ANKRD18B: variants seen among roughly 807,000 people sequenced by gnomAD.
ANKRD18B encodes the protein ankyrin repeat domain 18B.
In ANKRD18B, 75 loss-of-function variants were observed where a neutral mutation model predicts 111.8. The ratio of observed to expected loss-of-function variants is 0.67; its 90% confidence interval spans 0.56 to 0.81. The LOEUF (loss-of-function observed/expected upper bound fraction) is 0.81. Ranked by LOEUF, ANKRD18B falls within the 40% of genes least tolerant of loss-of-function variation. ANKRD18B has a pLI of 0.00. For synonymous variants in ANKRD18B, 356 were observed against 417.3 expected, an observed-to-expected ratio of 0.85 and a Z score of 1.79; for missense variants, 1,038 against 1,225.5, an observed-to-expected ratio of 0.85 and a Z score of 2.28.
intron 3 of ANKRD18B, among the ~76,000 whole-genome samples, chr9:33,531,664 T>C (rs1464425645): frequency 1.3e-5 from 2 of 150,288 alleles, no homozygotes; most frequent in Non-Finnish European, 2.9e-5. Context: ...AGTTTACAAC[T>C]CCTTTTTTAT....
rs1280627016 is a variant in ANKRD18B at position 33,548,201 on chromosome 9, G to A, written c.1413G>A (p.Arg471=). The change falls in exon 11 of 19, where the codon AGG becomes AGA. Residue 471 remains arginine, a synonymous_variant. Coordinates refer to ENST00000684830, the MANE Select transcript of ANKRD18B (RefSeq NM_001393611.1). The stretch of plus-strand genomic sequence containing the variant: ...ATGATCTGAAAGCTGAGAATGCAAG[G>A]CTGAATTCAAAATTGGAGAAGGAAA... ...QLNDLKAENA[R]LNSKLEKEKH... is the part of the protein sequence containing the mutation. 9.7e-6 allele frequency: 15 copies of A among 1,549,994 alleles called. No individual in the cohort carries two copies. The highest frequency in any genetic ancestry group is 1.2e-5 in the Non-Finnish European group (14 of 1,146,424).
rs201735109 is a variant in ANKRD18B, at chr9:33,555,773, G to A, written c.2283G>A (p.Ala761=). The A allele has an allele frequency of 1.8e-4, 255 of 1,405,122 alleles. No homozygotes were observed. Among genetic ancestry groups the A allele is most frequent in the African/African-American group, 9.0e-4 (59 of 65,870 alleles). 87.0% of individuals were successfully genotyped at this position (1,405,122 alleles called of 1,614,324 possible). The stretch of plus-strand genomic sequence containing the variant: ...TAATATCATTACTGAACTATACTGC[G>A]GATCAAATAAGAAAGAAAAATCGTG... ...FELISLLNYT[A]DQIRKKNREL... The change falls in exon 13 of 19, where the codon GCG becomes GCA. Residue 761 remains alanine (A), a synonymous_variant. Coordinates refer to ENST00000684830, the MANE Select transcript of ANKRD18B (RefSeq NM_001393611.1).
intron 13 of ANKRD18B, 27 bp downstream of exon 13, chr9:33,555,847 T>G (rs1186628236): frequency 1.6e-6 from 2 of 1,281,834 alleles, no homozygotes; most frequent in Non-Finnish European, 2.0e-6. Context: ...GTAGAACATT[T>G]TAGCCATTTA....
At chr9:33,541,570 C>T (rs981923437) in intron 9 of ANKRD18B, among the ~76,000 whole-genome samples, 2 of 152,088 alleles carry the variant, frequency 1.3e-5, no homozygotes, top group African/African-American at 2.4e-5. Flanking sequence ...TGGTGTTCTG[C>T]ACCTGTAATT....
intron 11 of ANKRD18B, among the ~76,000 whole-genome samples, chr9:33,549,549 C>T (rs1828416983): frequency 6.6e-6 from 1 of 152,156 alleles, no homozygotes; most frequent in South Asian, 2.1e-4. Context: ...GCCGCTTTGA[C>T]ACTTAGATTT....
chr9:33,565,421 T>C (rs924837752), intron 14 of ANKRD18B, among the ~76,000 whole-genome samples: 1 of 152,184 alleles, frequency 6.6e-6, no homozygotes, highest in Admixed American at 6.5e-5. Context: ...ACATTTGCGG[T>C]TTAGGGAAAG....
chr9:33,539,660 TTTG>T lies in ANKRD18B; in HGVS notation c.862+167_862+169del, dbSNP rs563829667. 4 of 152,556 alleles carry T rather than the reference TTTG, an allele frequency of 2.6e-5. No homozygotes were observed. In the South Asian group the frequency reaches 8.3e-4, roughly 32 times the overall value. The allele number at this position is 152,556 out of a possible 1,614,324, so 9.5% of individuals were successfully genotyped here. On this transcript the variant is annotated intron_variant, in intron 7 of 18. Transcript: ENST00000684830. ...CAGTGAAGGCAAGCTTAGGAAAGAC[TTTG>T]TTGTTGTTTTACCTGTGTCTAGAAA...
intron 12 of ANKRD18B, among the ~76,000 whole-genome samples, chr9:33,551,720 A>T (rs1013810860): frequency 1.3e-5 from 2 of 152,062 alleles, no homozygotes; most frequent in African/African-American, 4.8e-5. Flanking sequence ...ACATTCATTT[A>T]CAGGTTATTG....
chr9:33,568,685 T>C lies in ANKRD18B; in HGVS notation c.2969T>C (p.Ile990Thr). 3 of 1,541,498 alleles carry C rather than the reference T, an allele frequency of 1.9e-6. No homozygotes were observed. The highest frequency in any genetic ancestry group is 2.6e-6 in the Non-Finnish European group (3 of 1,143,740). The change falls in exon 17 of 19, where the codon ATA (isoleucine) becomes ACA (threonine). Residue 990 changes from isoleucine (I) to threonine (T), a missense_variant. Around this residue, in one of 4 missense-constraint regions of ANKRD18B, gnomAD observed 524 missense variants for 677.9 expected, o/e 0.77. Transcript: ENST00000684830. ...SEKITKSDKK[I>T]AVISTKLFME... ...TCTCTTTACAGATCGGATAAGAAAA[T>C]AGCTGTGATCAGCACCAAGCTCTTT...
chr9:33,564,767 G>C (rs1357576285), intron 14 of ANKRD18B, among the ~76,000 whole-genome samples: 1 of 151,794 alleles, frequency 6.6e-6, no homozygotes, highest in Non-Finnish European at 1.5e-5. Context: ...CACATTGTAG[G>C]TTTGATTTGT....
intron 1 of ANKRD18B, chr9:33,528,489 T>C: frequency 2.3e-6 from 1 of 429,628 alleles, no homozygotes. Flanking sequence ...GAGTTCAAAG[T>C]AGAACTCAAG....
chr9:33,559,347 G>A (rs576879788), intron 14 of ANKRD18B, among the ~76,000 whole-genome samples: 52 of 152,206 alleles, frequency 3.4e-4, no homozygotes, highest in African/African-American at 1.2e-3. Flanking sequence ...TCTTGGCCCT[G>A]CAACAGCCAT....
intron 3 of ANKRD18B, among the ~76,000 whole-genome samples, chr9:33,530,868 T>A (rs1452420437): frequency 3.9e-5 from 6 of 152,364 alleles, no homozygotes; most frequent in Admixed American, 6.5e-5. Context: ...TTTCAATAAG[T>A]AGAGGCTGAC....
Position 33,550,505 on chromosome 9 carries a change from G to T in ANKRD18B, c.2143G>T (p.Gly715Cys), listed in dbSNP as rs956033506. ...KFSMSESPLEGTSHCHINLDE... is the reference protein window; with the variant it reads ...KFSMSESPLECTSHCHINLDE... The stretch of plus-strand genomic sequence containing the variant: ...TTCAATGTCAGAGTCTCCACTGGAA[G>T]GTACATCACATTGTCATATTAATTT... Residue 715 changes from glycine (G) to cysteine (C), a missense_variant, in exon 12 of 19, where the codon GGT (glycine) becomes TGT (cysteine). By Grantham distance (159) the Gly-to-Cys change is radical (BLOSUM62 -3). Around this residue, in one of 4 missense-constraint regions of ANKRD18B, gnomAD observed 524 missense variants for 677.9 expected, o/e 0.77. Transcript: ENST00000684830. The T allele has an allele frequency of 1.2e-5, 19 of 1,547,278 alleles. No homozygotes were observed. Among genetic ancestry groups the T allele is most frequent in the Non-Finnish European group, 1.6e-5 (18 of 1,145,248 alleles).
intron 1 of ANKRD18B, among the ~76,000 whole-genome samples, chr9:33,527,115 A>G (rs1828035571): frequency 1.3e-5 from 2 of 152,216 alleles, no homozygotes; most frequent in Non-Finnish European, 2.9e-5. Context: ...CCTTTCAAGC[A>G]AAAGCATTTC....
At chr9:33,525,044 A>G (rs377115266) in intron 1 of ANKRD18B, among the ~76,000 whole-genome samples, 1 of 152,220 alleles carries the variant, frequency 6.6e-6, no homozygotes, top group Non-Finnish European at 1.5e-5. Context: ...AAATCCACCT[A>G]GGTAGATAGG....
At chr9:33,573,750 G>C (rs1201488162), downstream of ANKRD18B, among the ~76,000 whole-genome samples, 3 of 145,012 alleles carry the variant, frequency 2.1e-5, no homozygotes, top group African/African-American at 7.3e-5. Flanking sequence ...GAACACAGCT[G>C]CTCAAGGGCC....
In ANKRD18B at chr9:33,528,742, G is replaced by C. The variant is rs1363060806; in HGVS notation, c.222G>C (p.Leu74Phe). 1.2e-5 allele frequency: 20 copies of C among 1,612,038 alleles called. No individual in the cohort carries two copies. The highest frequency in any genetic ancestry group is 1.6e-5 in the Non-Finnish European group (19 of 1,179,170). Residue 74 changes from leucine to phenylalanine, a missense_variant, in exon 2 of 19, where the codon TTG becomes TTC. Leu to Phe is a conservative substitution (Grantham distance 22, BLOSUM62 0). Around this residue, in one of 4 missense-constraint regions of ANKRD18B, gnomAD observed 216 missense variants for 205.1 expected, o/e 1.05. Transcript: ENST00000684830. ...GCTCTCCTAGGACTGTTCTACATTT[G>C]GCCTGTGCCCATGGCCGTGTGCAAG... is the stretch of plus-strand genomic sequence containing the variant. The part of the protein sequence containing the change: ...RDRKDRTVLH[L>F]ACAHGRVQVV...
chr9:33,531,377 G>A (rs769379382), intron 3 of ANKRD18B, among the ~76,000 whole-genome samples: 9 of 152,284 alleles, frequency 5.9e-5, no homozygotes, highest in South Asian at 2.1e-4. Context: ...CACATTCATA[G>A]CAAATATAAA....
Sources: gnomAD v4.1 joint callset for allele counts (sites outside exome capture counted in the v4.1 genomes callset) on GRCh38, gnomAD v4.1.1 for gene constraint, gnomAD v4.1.1 regional missense constraint, MANE v1.5 for transcripts, NCBI Gene and HGNC (gene_info 2026-07-23, HGNC 2026-07-21) for gene names.